The following GRIA3 variants were observed in gnomAD, a reference collection of about 807,000 sequenced individuals.
GRIA3 encodes glutamate receptor 3.
Under a neutral mutation model 63.0 loss-of-function variants are expected in GRIA3, and 3 were observed. The observed-to-expected ratio is 0.05, with a 90% confidence interval of 0.02 to 0.12. GRIA3 has a LOEUF of 0.12. Ranked by LOEUF, GRIA3 falls within the 10% of genes least tolerant of loss-of-function variation. The probability of loss-of-function intolerance (pLI) is 1.00; values close to 1 mark genes in which losing one functional copy is unlikely to be tolerated. For missense variants in GRIA3, 347 were observed against 700.9 expected (o/e 0.50, Z 5.70); for synonymous variants, 274 against 257.9 (o/e 1.06, Z -0.60).
chrX:123,331,452 C>A (rs1322385348), intron 4 of GRIA3, among the ~76,000 whole-genome samples: 1 of 111,651 alleles, frequency 9.0e-6, no homozygotes. Context: ...GGAGAGTGCT[C>A]ACACTTCAAA....
At chrX:123,462,067 C>T (rs1737680716) in intron 12 of GRIA3, among the ~76,000 whole-genome samples, 1 of 111,143 alleles carries the variant, frequency 9.0e-6, no homozygotes, top group Non-Finnish European at 1.9e-5. Context: ...TGCTATCTTC[C>T]CAAAACACAT....
intron 4 of GRIA3, among the ~76,000 whole-genome samples, chrX:123,347,516 G>A (rs919419768): frequency 1.2e-4 from 13 of 112,093 alleles, no homozygotes; most frequent in South Asian, 3.7e-4. Flanking sequence ...ATCAAGTGCT[G>A]GAAGCACTGC....
chrX:123,248,061 C>G lies in GRIA3; in HGVS notation c.269-5242C>G, dbSNP rs149085175. On this transcript the variant is annotated intron_variant, in intron 2 of 15. Transcript: ENST00000620443. Reference sequence around the variant, plus strand: ...AAATATTTGATGAATGAATAAATAGCTAGTATTCATTGAATGTCTATTATA... The same window carrying G: ...AAATATTTGATGAATGAATAAATAGGTAGTATTCATTGAATGTCTATTATA... 6.7e-3 allele frequency among the ~76,000 whole-genome samples: 755 copies of G among 112,418 alleles called. 3 individuals are homozygous for G. Among genetic ancestry groups the G allele is most frequent in the Non-Finnish European group, 0.01 (553 of 53,252 alleles).
chrX:123,401,581 T>C (rs150318860), intron 7 of GRIA3, among the ~76,000 whole-genome samples: 1 of 112,339 alleles, frequency 8.9e-6, no homozygotes, highest in African/African-American at 3.2e-5. Flanking sequence ...ACAATAGTGC[T>C]TAGGTTTGTT....
At chrX:123,211,521 A>G (rs946175790) in intron 2 of GRIA3, among the ~76,000 whole-genome samples, 2 of 111,914 alleles carry the variant, frequency 1.8e-5, no homozygotes, top group African/African-American at 6.5e-5. Flanking sequence ...GCTGCTCCCA[A>G]TGCAAGACAC....
intron 3 of GRIA3, among the ~76,000 whole-genome samples, chrX:123,268,265 T>A (rs2044499583): frequency 9.0e-6 from 1 of 110,971 alleles, no homozygotes; most frequent in African/African-American, 3.3e-5. Context: ...ATTTTATACC[T>A]CTGAGAGGCT....
intron 3 of GRIA3, among the ~76,000 whole-genome samples, chrX:123,315,155 GAGA>G (rs759286112): frequency 2.0e-4 from 22 of 111,805 alleles, no homozygotes; most frequent in Non-Finnish European, 3.2e-4. Context: ...CAGCTGCAAG[GAGA>G]AGAAGATTTG....
intron 10 of GRIA3, among the ~76,000 whole-genome samples, chrX:123,407,704 G>GGGGGGGGGGGGAGGA (rs2045483626): frequency 1.8e-5 from 1 of 55,143 alleles, no homozygotes; most frequent in Non-Finnish European, 3.5e-5. Flanking sequence ...GGGGGGGGGG[G>GGGGGGGGGGGGAGGA]ACGTGGGGAC....
At position 123,490,509 on chromosome X, in the gene GRIA3, C is replaced by T. The variant is rs778733077; in HGVS notation, c.*1799C>T. On this transcript the variant is annotated 3_prime_UTR_variant, in exon 16 of 16. Transcript: ENST00000620443. ...CATGAAGTTGTATAAAACAAACCAACCAACCTACACACAAATGTTTTCATA... is the reference window on the plus strand; with the variant it reads ...CATGAAGTTGTATAAAACAAACCAATCAACCTACACACAAATGTTTTCATA... 8.9e-6 allele frequency: 1 copy of T among 112,679 alleles called. No homozygotes were observed. The highest frequency in any genetic ancestry group is 9.4e-5 in the Admixed American group (1 of 10,633). 9.3% of individuals were successfully genotyped at this position (112,679 alleles called of 1,213,427 possible). A position where few individuals can be genotyped will look rare whatever the true frequency, so the allele number is the denominator to read the frequency against.
chrX:123,386,782 A>AT (rs1373818264), intron 5 of GRIA3, among the ~76,000 whole-genome samples: 1 of 111,414 alleles, frequency 9.0e-6, no homozygotes, highest in Non-Finnish European at 1.9e-5. Context: ...ATGTGGATTT[A>AT]TTTCTGGGTT....
At chrX:123,332,640 C>T (rs1226920954) in intron 4 of GRIA3, among the ~76,000 whole-genome samples, 1 of 110,989 alleles carries the variant, frequency 9.0e-6, no homozygotes, top group Non-Finnish European at 1.9e-5. Flanking sequence ...TTCTTGATAC[C>T]CTCATATCTT....
chrX:123,283,581 G>A lies in GRIA3; in HGVS notation c.508+30039G>A, dbSNP rs571562786. On this transcript the variant is annotated intron_variant, in intron 3 of 15. Coordinates refer to ENST00000620443, the MANE Select transcript of GRIA3 (RefSeq NM_007325.5). ...GGGGGGAGGGGCGTCCACCATTACC[G>A]AGACTTGAGTAGGCGGTTTTCCCCT... 5.4e-4 allele frequency among the ~76,000 whole-genome samples: 60 copies of A among 111,079 alleles called. No homozygotes were observed. In the South Asian group the frequency reaches 0.01, roughly 19 times the overall value.
intron 12 of GRIA3, among the ~76,000 whole-genome samples, chrX:123,452,238 A>G (rs79293332): frequency 0.088 from 9,800 of 110,753 alleles, 444 homozygotes; most frequent in Admixed American, 0.19. Flanking sequence ...TTAAACCAGA[A>G]TCACAGAAGC....
chrX:123,281,657 T>C (rs1383467598), intron 3 of GRIA3, among the ~76,000 whole-genome samples: 1 of 111,608 alleles, frequency 9.0e-6, no homozygotes, highest in East Asian at 2.8e-4. Flanking sequence ...ATCATCAGAA[T>C]GCCCTAGGAG....
At chrX:123,471,990 C>CATATATATATATACATATATATATAT (rs2045865052) in intron 13 of GRIA3, among the ~76,000 whole-genome samples, 1 of 13,415 alleles carries the variant, frequency 7.5e-5, no homozygotes, top group African/African-American at 2.0e-4. Context: ...CAATGGCATT[C>CATATATATATATACATATATATATAT]ATATATATAT....
intron 3 of GRIA3, among the ~76,000 whole-genome samples, chrX:123,314,804 C>T (rs1195963853): frequency 1.8e-5 from 2 of 112,112 alleles, no homozygotes; most frequent in Non-Finnish European, 3.8e-5. Flanking sequence ...TCAGTAGCTG[C>T]CTCCTGGAGT....
intron 2 of GRIA3, among the ~76,000 whole-genome samples, chrX:123,207,896 C>A (rs1383628214): frequency 8.9e-6 from 1 of 111,812 alleles, no homozygotes; most frequent in Non-Finnish European, 1.9e-5. Context: ...TAGGGACTCC[C>A]TCCTGGAACA....
At chrX:123,294,903 T>C (rs1420490520) in intron 3 of GRIA3, among the ~76,000 whole-genome samples, 3 of 112,130 alleles carry the variant, frequency 2.7e-5, no homozygotes, top group Non-Finnish European at 5.7e-5. Context: ...GAAGGAACTA[T>C]GTATATGTTT....
intron 2 of GRIA3, among the ~76,000 whole-genome samples, chrX:123,200,199 AT>A (rs1272173432): frequency 9.0e-6 from 1 of 110,831 alleles, no homozygotes; most frequent in Non-Finnish European, 1.9e-5. Flanking sequence ...AGTAAGTCAT[AT>A]TACCCCTACC....
Sources: gnomAD v4.1 joint callset for allele counts (sites outside exome capture counted in the v4.1 genomes callset) on GRCh38, gnomAD v4.1.1 for gene constraint, MANE v1.5 for transcripts, NCBI Gene and HGNC (gene_info 2026-07-23, HGNC 2026-07-21) for gene names.